Variants in GAREM1 observed in about 807,000 individuals in gnomAD.
The protein encoded by GAREM1 is GRB2-associated and regulator of MAPK protein 1.
GAREM1 carries 26 observed loss-of-function variants against 71.3 expected under a neutral mutation model. The observed-to-expected ratio is 0.36, with a 90% CI of 0.27 to 0.51. The LOEUF is 0.51. Among genes scored for constraint, GAREM1 ranks in the 20% least tolerant of loss-of-function variants. GAREM1 has a pLI of 0.95. For missense variants in GAREM1, 1,026 were observed against 1,103.1 expected (o/e 0.93, Z 0.99); for synonymous variants, 440 against 433.2 (o/e 1.02, Z -0.20).
chr18:32,427,730 A>C (rs1390428655), intron 1 of GAREM1, among the ~76,000 whole-genome samples: 3 of 152,246 alleles, frequency 2.0e-5, no homozygotes, highest in Non-Finnish European at 4.4e-5. Flanking sequence ...AAAAACTGGC[A>C]TTAAGCTCAG....
intron 3 of GAREM1, among the ~76,000 whole-genome samples, chr18:32,300,132 G>C (rs2047185241): frequency 6.6e-6 from 1 of 152,250 alleles, no homozygotes; most frequent in African/African-American, 2.4e-5. Context: ...ACAGAATTTG[G>C]TTAACATTCA....
At chr18:32,274,593 C>T (rs948695485) in intron 4 of GAREM1, among the ~76,000 whole-genome samples, 8 of 152,170 alleles carry the variant, frequency 5.3e-5, no homozygotes, top group African/African-American at 7.2e-5. Flanking sequence ...CAGGCTCCCA[C>T]GCATCTTTCT....
At chr18:32,304,339 A>C (rs2047229255) in intron 3 of GAREM1, among the ~76,000 whole-genome samples, 1 of 152,096 alleles carries the variant, frequency 6.6e-6, no homozygotes, top group Non-Finnish European at 1.5e-5. Context: ...AATAAAAAAT[A>C]AAAGAAAAAG....
chr18:32,380,474 TAAAA>T (rs35881689), intron 2 of GAREM1, among the ~76,000 whole-genome samples: 1 of 92,470 alleles, frequency 1.1e-5, no homozygotes, highest in African/African-American at 4.4e-5. Flanking sequence ...AGACTTCATT[TAAAA>T]AAAAAAAAAA....
intron 3 of GAREM1, among the ~76,000 whole-genome samples, chr18:32,302,513 G>A (rs1464960568): frequency 2.6e-5 from 4 of 152,096 alleles, no homozygotes; most frequent in Non-Finnish European, 5.9e-5. Context: ...TATACACAAT[G>A]GAATACTATT....
At chr18:32,404,684 C>G (rs2048349090) in intron 1 of GAREM1, among the ~76,000 whole-genome samples, 1 of 152,190 alleles carries the variant, frequency 6.6e-6, no homozygotes, top group Admixed American at 6.5e-5. Flanking sequence ...AAATACCTAA[C>G]TTTGCAAATA....
intron 1 of GAREM1, among the ~76,000 whole-genome samples, chr18:32,410,979 T>C (rs922616303): frequency 2.6e-5 from 4 of 152,154 alleles, no homozygotes; most frequent in African/African-American, 9.7e-5. Flanking sequence ...ATTTTTGTAT[T>C]TTTAGTCAAA....
At chr18:32,344,244 T>A (rs1455290930) in intron 2 of GAREM1, among the ~76,000 whole-genome samples, 1 of 152,178 alleles carries the variant, frequency 6.6e-6, no homozygotes, top group Non-Finnish European at 1.5e-5. Flanking sequence ...CAACTAGACT[T>A]AGTGTAAATA....
intron 2 of GAREM1, among the ~76,000 whole-genome samples, chr18:32,330,675 C>T (rs1221456878): frequency 2.0e-5 from 1 of 50,322 alleles, no homozygotes; most frequent in African/African-American, 7.9e-5. Flanking sequence ...AAAAAAGGCA[C>T]AATAAATACA....
intron 4 of GAREM1, among the ~76,000 whole-genome samples, chr18:32,275,839 T>C (rs761845859): frequency 1.2e-4 from 19 of 152,148 alleles, no homozygotes; most frequent in Non-Finnish European, 2.4e-4. Flanking sequence ...CCACCACGCC[T>C]GGCTAATTTT....
At chr18:32,281,701 A>G (rs1021034138) in intron 4 of GAREM1, among the ~76,000 whole-genome samples, 2 of 152,226 alleles carry the variant, frequency 1.3e-5, no homozygotes, top group African/African-American at 4.8e-5. Context: ...GAGGCCGGGC[A>G]CGGTGGCTCA....
chr18:32,418,735 G>A (rs1383933516), intron 1 of GAREM1, among the ~76,000 whole-genome samples: 1 of 152,086 alleles, frequency 6.6e-6, no homozygotes, highest in African/African-American at 2.4e-5. Flanking sequence ...AAACGAGTAG[G>A]GTTCTCTTTC....
intron 2 of GAREM1, among the ~76,000 whole-genome samples, chr18:32,364,919 T>G (rs896607641): frequency 6.6e-6 from 1 of 152,134 alleles, no homozygotes; most frequent in Non-Finnish European, 1.5e-5. Context: ...AAACACTTTA[T>G]GTGTATTATT....
intron 3 of GAREM1, among the ~76,000 whole-genome samples, chr18:32,309,983 TA>T (rs1467456139): frequency 6.6e-6 from 1 of 152,222 alleles, no homozygotes; most frequent in Non-Finnish European, 1.5e-5. Flanking sequence ...ATATCAGTTT[TA>T]AATTCTAACA....
chr18:32,343,158 G>A (rs945584556), intron 2 of GAREM1, among the ~76,000 whole-genome samples: 5 of 152,046 alleles, frequency 3.3e-5, no homozygotes, highest in African/African-American at 9.7e-5. Context: ...AGCCATAAAC[G>A]TAAAAAACAA....
At chr18:32,434,127 C>T (rs902458971) in intron 1 of GAREM1, among the ~76,000 whole-genome samples, 4 of 151,964 alleles carry the variant, frequency 2.6e-5, no homozygotes, top group African/African-American at 4.8e-5. Flanking sequence ...CCAAATATAG[C>T]CAATCAGTTT....
intron 1 of GAREM1, among the ~76,000 whole-genome samples, chr18:32,426,024 ATTGT>A (rs1406467616): frequency 2.7e-5 from 4 of 150,478 alleles, no homozygotes; most frequent in Non-Finnish European, 5.9e-5. Flanking sequence ...TGTTTGTTTG[ATTGT>A]TTGTTTTTGA....
At chr18:32,411,503 TC>T (rs2048416584) in intron 1 of GAREM1, among the ~76,000 whole-genome samples, 2 of 152,208 alleles carry the variant, frequency 1.3e-5, no homozygotes, top group Admixed American at 6.5e-5. Context: ...CTTTTTTTTT[TC>T]ATTCAAGAGA....
intron 2 of GAREM1, among the ~76,000 whole-genome samples, chr18:32,378,292 G>T (rs1174949214): frequency 2.0e-5 from 3 of 151,978 alleles, no homozygotes; most frequent in Non-Finnish European, 4.4e-5. Flanking sequence ...TTGAAGTCAG[G>T]AGTTCGAGAC....
Sources: allele counts gnomAD v4.1 joint callset (sites outside exome capture counted in the v4.1 genomes callset), GRCh38; gene constraint gnomAD v4.1.1; transcripts MANE v1.5; gene names NCBI Gene and HGNC (gene_info 2026-07-23, HGNC 2026-07-21).